The following CLN8 variants were observed in gnomAD, a reference collection of about 807,000 sequenced individuals.
CLN8 encodes the protein CLN8 transmembrane ER and ERGIC protein.
A neutral mutation model predicts 15.7 loss-of-function variants in CLN8; 14 were observed. The ratio of observed to expected loss-of-function variants is 0.89; its 90% confidence interval spans 0.59 to 1.39. The LOEUF is 1.39. Among genes scored for constraint, CLN8 ranks in the 40% most tolerant of loss-of-function variants. CLN8 has a pLI of 0.00. For synonymous variants in CLN8, 188 were observed against 151.0 expected (o/e 1.25, Z -1.80); for missense variants, 415 against 364.0 (o/e 1.14, Z -1.14).
intron 2 of CLN8, chr8:1,773,046 A>G (rs1036235664): frequency 5.0e-6 from 2 of 398,102 alleles, no homozygotes; most frequent in East Asian, 3.6e-5. Flanking sequence ...CAGACTGTTC[A>G]TGCATAACCA....
rs377319659 is a variant in CLN8, at chr8:1,773,138, G to A, written c.543+1541G>A. On this transcript the variant is annotated intron_variant, in intron 2 of 2. Coordinates refer to ENST00000331222, the MANE Select transcript of CLN8 (RefSeq NM_018941.4). ...AACTTGTGTTCCTGGTGTCCCCTGA[G>A]GTTGGCCCCATCTGGCACCAGATGG... Among the ~76,000 whole-genome samples the A allele has an allele frequency of 3.9e-5, 6 of 152,286 alleles. No homozygotes were observed. In the East Asian group the frequency reaches 1.2e-3, roughly 29 times the overall value.
At position 1,782,848 on chromosome 8, in the gene CLN8, C is replaced by T. The variant is rs561610018; in HGVS notation, c.*2281C>T. The T allele has an allele frequency of 6.6e-6, 1 of 152,340 alleles. No individual in the cohort carries two copies. Among genetic ancestry groups the T allele is most frequent in the East Asian group, 1.9e-4 (1 of 5,186 alleles). 9.4% of individuals were successfully genotyped at this position (152,340 alleles called of 1,614,324 possible). On this transcript the variant is annotated 3_prime_UTR_variant, in exon 3 of 3. Transcript: ENST00000331222. ...AGTGGACAGCCTAATTTTTATCTCA[C>T]CTCCACTAGGACTTTGACCTTCCCA... is the stretch of plus-strand genomic sequence containing the variant.
intron 2 of CLN8, chr8:1,772,887 C>T (rs1166500115): frequency 1.0e-5 from 4 of 398,572 alleles, no homozygotes; most frequent in Admixed American, 8.8e-5. Context: ...GCCATTCACA[C>T]AAATGGGTCA....
At chr8:1,775,959 C>A (rs1801495875) in intron 2 of CLN8, among the ~76,000 whole-genome samples, 3 of 152,356 alleles carry the variant, frequency 2.0e-5, no homozygotes, top group Admixed American at 2.0e-4. Flanking sequence ...TGTGGTGCGG[C>A]ACACACGACA....
At chr8:1,774,670 C>T (rs951589685) in intron 2 of CLN8, among the ~76,000 whole-genome samples, 10 of 152,180 alleles carry the variant, frequency 6.6e-5, no homozygotes, top group Non-Finnish European at 1.5e-4. Flanking sequence ...CACAGACTCA[C>T]TAGTTCATAA....
rs1465119354 is a variant in CLN8, at chr8:1,781,395, C to T, written c.*828C>T. ...AAAAAAAAAAAAAAAAATTCTAGAC[C>T]GAAGTGTACGGCAGTGCCATCTGGT... On this transcript the variant is annotated 3_prime_UTR_variant, in exon 3 of 3. Transcript: ENST00000331222. The T allele has an allele frequency of 5.2e-5, 6 of 116,492 alleles. No homozygotes were observed. Among genetic ancestry groups the T allele is most frequent in the Non-Finnish European group, 7.4e-5 (4 of 54,094 alleles). 7.2% of individuals were successfully genotyped at this position (116,492 alleles called of 1,614,324 possible). A position where few individuals can be genotyped will look rare whatever the true frequency, so the allele number is the denominator to read the frequency against.
intron 2 of CLN8, chr8:1,772,939 G>T: frequency 2.5e-6 from 1 of 398,542 alleles, no homozygotes; most frequent in Non-Finnish European, 4.4e-6. Flanking sequence ...TGGTAGCCTC[G>T]AGAGGAAAAA....
upstream of CLN8, chr8:1,762,845 T>C (rs1052745623): frequency 5.9e-5 from 9 of 152,246 alleles, no homozygotes; most frequent in Admixed American, 5.2e-4. Context: ...GCAGATGCTC[T>C]GTATCGATCG....
At chr8:1,753,580 A>AAAG (rs1473087883), upstream of CLN8, among the ~76,000 whole-genome samples, 5 of 145,320 alleles carry the variant, frequency 3.4e-5, 1 homozygote, top group Non-Finnish European at 7.5e-5. Context: ...AAAAAAAAAA[A>AAAG]AAAAAGAAAG....
At chr8:1,755,377 C>T (rs1800645816), upstream of CLN8, among the ~76,000 whole-genome samples, 1 of 152,174 alleles carries the variant, frequency 6.6e-6, no homozygotes, top group South Asian at 2.1e-4. Context: ...TCTTCCCATC[C>T]TGTTTTCTCT....
intron 2 of CLN8, among the ~76,000 whole-genome samples, chr8:1,776,628 T>C (rs1330179867): frequency 1.3e-5 from 2 of 152,226 alleles, no homozygotes; most frequent in Non-Finnish European, 1.5e-5. Context: ...GCATTGTCTT[T>C]CCTTTGGTTT....
At position 1,777,016 on chromosome 8, in the gene CLN8, C is replaced by T. The variant is rs545478575; in HGVS notation, c.544-3234C>T. 5.5e-4 allele frequency among the ~76,000 whole-genome samples: 84 copies of T among 152,308 alleles called. 1 individual carries two copies. The highest frequency in any genetic ancestry group is 2.9e-3 in the Admixed American group (45 of 15,296). On this transcript the variant is annotated intron_variant, in intron 2 of 2. Coordinates refer to ENST00000331222, the MANE Select transcript of CLN8 (RefSeq NM_018941.4). ...TGTACAGTCATACGTTGCTTAACGA[C>T]GGGCTGTGTTCTGAGAAATGTGTCC... is the stretch of plus-strand genomic sequence containing the variant.
upstream of CLN8, chr8:1,760,319 A>C (rs1800763317): frequency 6.6e-6 from 1 of 152,050 alleles, no homozygotes; most frequent in Non-Finnish European, 1.5e-5. Context: ...GTGTCATTCG[A>C]TCTGTCGAGG....
At chr8:1,775,489 A>G (rs1197556639) in intron 2 of CLN8, among the ~76,000 whole-genome samples, 2 of 152,204 alleles carry the variant, frequency 1.3e-5, no homozygotes, top group South Asian at 2.1e-4. Context: ...TTTGACTACA[A>G]AAATTTTAGT....
intron 2 of CLN8, among the ~76,000 whole-genome samples, chr8:1,777,292 C>T (rs1296414829): frequency 6.6e-6 from 1 of 152,084 alleles, no homozygotes; most frequent in East Asian, 1.9e-4. Context: ...CTGTGCAGGG[C>T]GTTCACTGGG....
At chr8:1,756,935 G>A (rs1317291144) in intron 1 of CLN8, among the ~76,000 whole-genome samples, 1 of 151,942 alleles carries the variant, frequency 6.6e-6, no homozygotes, top group Non-Finnish European at 1.5e-5. Flanking sequence ...CACCCACCTC[G>A]GCATCCCAAA....
At chr8:1,753,540 C>T (rs181158753), upstream of CLN8, among the ~76,000 whole-genome samples, 1,730 of 145,368 alleles carry the variant, frequency 0.012, 39 homozygotes, top group African/African-American at 0.041. Flanking sequence ...CATTGCACTC[C>T]AGCCTGGGTG....
At chr8:1,765,065 C>A (rs1800993814) in intron 1 of CLN8, 1 of 152,240 alleles carries the variant, frequency 6.6e-6, no homozygotes, top group Non-Finnish European at 1.5e-5. Flanking sequence ...GCCTCACTTT[C>A]AGATTGGCCG....
intron 1 of CLN8, among the ~76,000 whole-genome samples, chr8:1,757,153 T>C (rs1800690261): frequency 6.6e-6 from 1 of 152,200 alleles, no homozygotes; most frequent in African/African-American, 2.4e-5. Context: ...CGGAGGTGTG[T>C]CCTCTTCCAG....
Sources: gnomAD v4.1 joint callset for allele counts (sites outside exome capture counted in the v4.1 genomes callset) on GRCh38, gnomAD v4.1.1 for gene constraint, MANE v1.5 for transcripts, NCBI Gene and HGNC (gene_info 2026-07-23, HGNC 2026-07-21) for gene names.